The following HOMER2 variants were observed in gnomAD, a reference collection of about 807,000 sequenced individuals.
HOMER2 encodes the protein homer scaffold protein 2, also known as homer protein homolog 2.
Under a neutral mutation model 47.0 loss-of-function variants are expected in HOMER2, and 27 were observed. The observed-to-expected ratio is 0.57, with a 90% CI of 0.42 to 0.79. HOMER2 has a LOEUF of 0.79. Ranked by LOEUF, HOMER2 falls within the 30% of genes least tolerant of loss-of-function variation. The pLI is 0.00. For synonymous variants in HOMER2, 161 were observed against 163.8 expected (o/e 0.98, Z 0.13); for missense variants, 443 against 435.0 (o/e 1.02, Z -0.16).
At chr15:82,930,365 G>A (rs1208969957) in intron 1 of HOMER2, among the ~76,000 whole-genome samples, 1 of 152,214 alleles carries the variant, frequency 6.6e-6, no homozygotes, top group African/African-American at 2.4e-5. Context: ...CACAAGGACC[G>A]CCTGGCATGA....
At chr15:82,867,904 T>C (rs1256435) in intron 3 of HOMER2, among the ~76,000 whole-genome samples, 8 of 152,130 alleles carry the variant, frequency 5.3e-5, no homozygotes, top group African/African-American at 1.2e-4. Flanking sequence ...AGGAGAATGA[T>C]AGAGAGAAAC....
At chr15:82,952,727 G>C (rs1441796573), upstream of HOMER2, 2 of 980,638 alleles carry the variant, frequency 2.0e-6, no homozygotes, top group African/African-American at 3.5e-5. Flanking sequence ...GCGCGGGCGG[G>C]CGGGGGCTGG....
At chr15:82,935,879 G>T (rs1300305687) in intron 1 of HOMER2, among the ~76,000 whole-genome samples, 1 of 152,096 alleles carries the variant, frequency 6.6e-6, no homozygotes, top group Non-Finnish European at 1.5e-5. Context: ...TTCAACTGTT[G>T]TCCCCTTCCA....
In HOMER2 at chr15:82,859,409, G is replaced by A. The variant is rs893842773; in HGVS notation, c.388-274C>T. Among the ~76,000 whole-genome samples, 101 of 152,128 alleles carry A rather than the reference G, an allele frequency of 6.6e-4. 1 individual carries two copies. The highest frequency in any genetic ancestry group is 7.2e-4 in the Admixed American group (11 of 15,286). On this transcript the variant is annotated intron_variant, in intron 4 of 8. Coordinates refer to ENST00000450735, the MANE Select transcript of HOMER2 (RefSeq NM_004839.4). ...GAAGAGACCATGTGGAGTTCATAAA[G>A]TCTGTGTGCTTTACTGACAAGGGAA...
chr15:82,919,286 CCT>C (rs2053669215), intron 1 of HOMER2, among the ~76,000 whole-genome samples: 1 of 152,236 alleles, frequency 6.6e-6, no homozygotes, highest in Non-Finnish European at 1.5e-5. Context: ...CTACCCAACA[CCT>C]CTCTCTGCCT....
intron 3 of HOMER2, among the ~76,000 whole-genome samples, chr15:82,871,533 G>A (rs962461685): frequency 4.6e-5 from 7 of 152,276 alleles, no homozygotes; most frequent in East Asian, 1.9e-4. Context: ...ATTTATCAGC[G>A]TGTGGTTAAT....
chr15:82,889,362 G>C (rs914214384), intron 2 of HOMER2, among the ~76,000 whole-genome samples: 1 of 152,212 alleles, frequency 6.6e-6, no homozygotes, highest in African/African-American at 2.4e-5. Context: ...ACGTGCAGCT[G>C]GGCAGGGAGC....
chr15:82,882,570 G>A (rs1034785213), intron 2 of HOMER2, among the ~76,000 whole-genome samples: 2 of 152,346 alleles, frequency 1.3e-5, no homozygotes, highest in East Asian at 1.9e-4. Flanking sequence ...CGGGGAAGAA[G>A]GAAATGTCTT....
At chr15:82,907,945 C>G (rs982445561) in intron 1 of HOMER2, among the ~76,000 whole-genome samples, 2 of 152,106 alleles carry the variant, frequency 1.3e-5, no homozygotes, top group South Asian at 4.1e-4. Context: ...CTGATACAGG[C>G]TATAACAAGG....
chr15:82,868,244 GCA>G (rs1250300236), intron 3 of HOMER2, among the ~76,000 whole-genome samples: 1 of 151,426 alleles, frequency 6.6e-6, no homozygotes, highest in Non-Finnish European at 1.5e-5. Flanking sequence ...TTTGCCAGAT[GCA>G]CAGTTTGCAA....
upstream of HOMER2, among the ~76,000 whole-genome samples, chr15:82,954,536 G>T (rs554631803): frequency 6.7e-6 from 1 of 148,678 alleles, no homozygotes; most frequent in South Asian, 2.2e-4. Flanking sequence ...TGATCCACCC[G>T]CCTCGGCCTC....
intron 1 of HOMER2, among the ~76,000 whole-genome samples, chr15:82,910,775 G>T (rs1191165816): frequency 1.3e-5 from 2 of 152,100 alleles, no homozygotes; most frequent in Non-Finnish European, 2.9e-5. Context: ...CCTGTTCAAT[G>T]GTCACCAGGT....
chr15:82,971,101 T>C (rs1841611877), intron 1 of HOMER2, among the ~76,000 whole-genome samples: 1 of 152,218 alleles, frequency 6.6e-6, no homozygotes, highest in Admixed American at 6.5e-5. Flanking sequence ...TGTAAATTAA[T>C]ACACGGGCAC....
chr15:82,935,849 C>T (rs553815687), intron 1 of HOMER2, among the ~76,000 whole-genome samples: 1 of 152,310 alleles, frequency 6.6e-6, no homozygotes, highest in African/African-American at 2.4e-5. Flanking sequence ...TGGAGACCTT[C>T]GATGGGTCTC....
intron 3 of HOMER2, among the ~76,000 whole-genome samples, chr15:82,864,799 A>G (rs988197956): frequency 6.6e-6 from 1 of 152,244 alleles, no homozygotes; most frequent in African/African-American, 2.4e-5. Context: ...GTTCCATAAT[A>G]AAACAGTTCT....
At position 82,861,606 on chromosome 15, in the gene HOMER2, T is replaced by C. The variant is rs536157455; in HGVS notation, c.388-2471A>G. ...AAAACAGCCCCACATTTTAAGTGTT[T>C]TTGTAATTAGGCTGCTTAAAAATCC... On this transcript the variant is annotated intron_variant, in intron 4 of 8. Coordinates refer to ENST00000450735, the MANE Select transcript of HOMER2 (RefSeq NM_004839.4). Among the ~76,000 whole-genome samples, 16 of 152,354 alleles carry C rather than the reference T, an allele frequency of 1.1e-4. No homozygotes were observed. The East Asian group carries it at 2.9e-3, about 28-fold the overall frequency.
At position 82,976,605 on chromosome 15, in the gene HOMER2, C is replaced by T. The variant is rs545651536; in HGVS notation, n.82+9182G>A. On this transcript the variant is annotated intron_variant and non_coding_transcript_variant, in intron 1 of 1. Transcript: ENST00000500334. ...TGAGGCCACACTATTTTATATACTG[C>T]ATATATTACCATCATAACTATCTTC... Among the ~76,000 whole-genome samples, 7 of 150,582 alleles carry T rather than the reference C, an allele frequency of 4.6e-5. No individual in the cohort carries two copies. In the South Asian group the frequency reaches 1.3e-3, roughly 27 times the overall value.
downstream of HOMER2, chr15:82,846,840 T>C (rs2051256890): frequency 6.6e-6 from 1 of 152,244 alleles, no homozygotes. Flanking sequence ...CGGGCGGCAC[T>C]AGGAAGGCTT....
intron 2 of HOMER2, among the ~76,000 whole-genome samples, chr15:82,879,775 T>G (rs1162324469): frequency 6.6e-6 from 1 of 152,176 alleles, no homozygotes; most frequent in Non-Finnish European, 1.5e-5. Context: ...ATTGGTTGAT[T>G]TTTCCTTTCA....
Sources: gnomAD v4.1 joint callset for allele counts (sites outside exome capture counted in the v4.1 genomes callset) on GRCh38, gnomAD v4.1.1 for gene constraint, MANE v1.5 for transcripts, NCBI Gene and HGNC (gene_info 2026-07-23, HGNC 2026-07-21) for gene names.